NLN: variants seen among roughly 807,000 people sequenced by gnomAD.
NLN encodes neurolysin.
In NLN, 64 loss-of-function variants were observed where a neutral mutation model predicts 79.9. The observed-to-expected ratio is 0.80, with a 90% confidence interval of 0.65 to 0.99. The LOEUF is 0.99. NLN is among the 50% of genes least tolerant of loss of function. The pLI is 0.00. For synonymous variants in NLN, 267 were observed against 296.6 expected, an observed-to-expected ratio of 0.90 and a Z score of 1.02; for missense variants, 835 against 858.7, an observed-to-expected ratio of 0.97 and a Z score of 0.34.
At chr5:65,813,845 T>G (rs1040203131) in intron 12 of NLN, among the ~76,000 whole-genome samples, 4 of 152,008 alleles carry the variant, frequency 2.6e-5, no homozygotes, top group Non-Finnish European at 4.4e-5. Context: ...GGAGAGTTGC[T>G]TGAGCCTAGG....
At position 65,788,488 on chromosome 5, in the gene NLN, C is replaced by T. The variant is rs759941604; in HGVS notation, c.1325+4C>T. The T allele has an allele frequency of 1.9e-6, 3 of 1,609,068 alleles. No individual in the cohort carries two copies. In the East Asian group the frequency reaches 6.7e-5, roughly 36 times the overall value. ...TCTATTTGGACCTCTATCCAAGGTA[C>T]TGAGGATCACGTTGTTGGAAGGGAC... is the stretch of plus-strand genomic sequence containing the variant. On this transcript the variant is annotated splice_donor_region_variant and intron_variant, in intron 8 of 12. Coordinates refer to ENST00000380985, the MANE Select transcript of NLN (RefSeq NM_020726.5).
chr5:65,797,935 C>T (rs1450329560), intron 9 of NLN, among the ~76,000 whole-genome samples: 1 of 152,152 alleles, frequency 6.6e-6, no homozygotes, highest in African/African-American at 2.4e-5. Context: ...TGATTGCTGC[C>T]TACTTAGAAT....
At chr5:65,768,206 A>G (rs560298821) in intron 3 of NLN, among the ~76,000 whole-genome samples, 1 of 152,236 alleles carries the variant, frequency 6.6e-6, no homozygotes, top group South Asian at 2.1e-4. Context: ...CCATTCTCAC[A>G]CTGCTATAAA....
chr5:65,729,417 C>T (rs1174795073), intron 1 of NLN, among the ~76,000 whole-genome samples: 5 of 138,964 alleles, frequency 3.6e-5, no homozygotes, highest in Non-Finnish European at 7.6e-5. Context: ...CACTGTTGCC[C>T]GGGCTGGAGT....
At chr5:65,799,308 A>G (rs1760232646) in intron 9 of NLN, among the ~76,000 whole-genome samples, 1 of 152,234 alleles carries the variant, frequency 6.6e-6, no homozygotes, top group Admixed American at 6.5e-5. Flanking sequence ...TAGCTTGAGG[A>G]CATGAAGTGC....
intron 1 of NLN, among the ~76,000 whole-genome samples, chr5:65,751,680 C>T (rs564002455): frequency 1.4e-4 from 22 of 152,320 alleles, no homozygotes; most frequent in Admixed American, 7.2e-4. Context: ...CATAAATCAA[C>T]ATTTCTGAAA....
chr5:65,736,333 G>A (rs1758727470), intron 1 of NLN, among the ~76,000 whole-genome samples: 1 of 152,170 alleles, frequency 6.6e-6, no homozygotes, highest in Non-Finnish European at 1.5e-5. Context: ...TTTTGTCAAT[G>A]AATATTTGGG....
Position 65,767,760 on chromosome 5 carries a change from C to T in NLN, c.450+4652C>T, listed in dbSNP as rs375269046. ...ATTTCAAACCATCTCTTTGTGTACA[C>T]ACATGGCTGTATGCTGTTAGGAGCA... On this transcript the variant is annotated intron_variant, in intron 3 of 12. Transcript: ENST00000380985. Among the ~76,000 whole-genome samples, 34 of 152,338 alleles carry T rather than the reference C, an allele frequency of 2.2e-4. 1 individual carries two copies. Among genetic ancestry groups the T allele is most frequent in the African/African-American group, 7.5e-4 (31 of 41,580 alleles).
Position 65,762,970 on chromosome 5 carries a change from C to G in NLN, c.312C>G (p.Thr104=). 1 of 1,613,510 alleles carries G rather than the reference C, an allele frequency of 6.2e-7. No individual in the cohort carries two copies. Among genetic ancestry groups the G allele is most frequent in the Non-Finnish European group, 8.5e-7 (1 of 1,179,778 alleles). The change falls in exon 3 of 13, where the codon ACC becomes ACG. Residue 104 remains threonine, a synonymous_variant. Transcript: ENST00000380985. ...DVEVKYIVER[T]MLDFPQHVSS... ...TTTCTCCATCTGCAGTGGAAAGGAC[C>G]ATGCTAGACTTTCCCCAGCATGTAT...
intron 6 of NLN, among the ~76,000 whole-genome samples, chr5:65,783,326 A>G (rs1759846806): frequency 1.3e-5 from 2 of 152,262 alleles, no homozygotes; most frequent in South Asian, 4.1e-4. Context: ...TTATAACTGT[A>G]AGTCAAGAGG....
chr5:65,800,832 A>C (rs1760271315), intron 9 of NLN, among the ~76,000 whole-genome samples: 1 of 151,956 alleles, frequency 6.6e-6, no homozygotes, highest in Non-Finnish European at 1.5e-5. Flanking sequence ...CTGAGACTAC[A>C]GGAATGCACC....
intron 1 of NLN, among the ~76,000 whole-genome samples, chr5:65,741,260 T>C (rs1478718631): frequency 6.6e-6 from 1 of 152,198 alleles, no homozygotes; most frequent in Admixed American, 6.5e-5. Flanking sequence ...GAACCTTTTG[T>C]GGTTTCATAC....
chr5:65,728,935 C>A (rs1758540550), intron 1 of NLN, among the ~76,000 whole-genome samples: 1 of 152,128 alleles, frequency 6.6e-6, no homozygotes, highest in Admixed American at 6.5e-5. Context: ...CCTCGACCTC[C>A]CGGGCTCAAA....
In NLN at chr5:65,824,340, G is replaced by T. The variant is rs1455547921; in HGVS notation, c.*1425G>T. 4 of 152,148 alleles carry T rather than the reference G, an allele frequency of 2.6e-5. No individual in the cohort carries two copies. Among genetic ancestry groups the T allele is most frequent in the East Asian group, 1.9e-4 (1 of 5,196 alleles). The allele number at this position is 152,148 out of a possible 1,614,324, so 9.4% of individuals were successfully genotyped here. A position where few individuals can be genotyped will look rare whatever the true frequency, so the allele number is the denominator to read the frequency against. ...ATAGCAGGAAATGCAAGAGCTAGGAGATTCCTAGATTATATCTGCCAAGCA... is the reference window on the plus strand; with the variant it reads ...ATAGCAGGAAATGCAAGAGCTAGGATATTCCTAGATTATATCTGCCAAGCA... On this transcript the variant is annotated 3_prime_UTR_variant, in exon 13 of 13. Transcript: ENST00000380985.
At chr5:65,784,549 G>T (rs773531289) in intron 6 of NLN, among the ~76,000 whole-genome samples, 1 of 152,162 alleles carries the variant, frequency 6.6e-6, no homozygotes, top group Non-Finnish European at 1.5e-5. Context: ...ATGGCAGAAG[G>T]GGGAAGGGCA....
Position 65,781,439 on chromosome 5 carries a change from C to T in NLN, c.822+18C>T. On this transcript the variant is annotated intron_variant, in intron 6 of 12. Coordinates refer to ENST00000380985, the MANE Select transcript of NLN (RefSeq NM_020726.5). ...GCAAAGAGGTATTATAAATGTTTGTCTTTCTTTTGTTTTTAATGGAATATT... is the reference window on the plus strand; with the variant it reads ...GCAAAGAGGTATTATAAATGTTTGTTTTTCTTTTGTTTTTAATGGAATATT... 7 of 1,562,744 alleles carry T rather than the reference C, an allele frequency of 4.5e-6. No homozygotes were observed. The highest frequency in any genetic ancestry group is 6.1e-6 in the Non-Finnish European group (7 of 1,141,378).
chr5:65,756,315 CT>C (rs35864313), intron 1 of NLN, among the ~76,000 whole-genome samples: 1 of 152,108 alleles, frequency 6.6e-6, no homozygotes, highest in South Asian at 2.1e-4. Flanking sequence ...TCAAGTTTCT[CT>C]TTTTTCCCCC....
At chr5:65,790,016 C>G (rs1174184991) in intron 8 of NLN, among the ~76,000 whole-genome samples, 2 of 152,072 alleles carry the variant, frequency 1.3e-5, no homozygotes, top group Non-Finnish European at 2.9e-5. Flanking sequence ...ATCATCTTCC[C>G]CAGATATCAG....
At chr5:65,757,263 C>T (rs2150745325) in intron 1 of NLN, among the ~76,000 whole-genome samples, 1 of 152,268 alleles carries the variant, frequency 6.6e-6, no homozygotes, top group East Asian at 1.9e-4. Flanking sequence ...GCCCTACCTA[C>T]CTTATAAGGT....
Sources: allele counts gnomAD v4.1 joint callset (sites outside exome capture counted in the v4.1 genomes callset), GRCh38; gene constraint gnomAD v4.1.1; transcripts MANE v1.5; gene names NCBI Gene and HGNC (gene_info 2026-07-23, HGNC 2026-07-21).